Variants in CREB3L2 observed in about 807,000 individuals in gnomAD.
CREB3L2 encodes the protein cAMP responsive element binding protein 3 like 2.
In CREB3L2, 23 loss-of-function variants were observed where a neutral mutation model predicts 57.2. The observed-to-expected ratio is 0.40, with a 90% CI of 0.29 to 0.57. CREB3L2 has a LOEUF of 0.57. Ranked by LOEUF, CREB3L2 falls within the 20% of genes least tolerant of loss-of-function variation. The probability of loss-of-function intolerance (pLI) is 0.42; values close to 1 mark genes in which losing one functional copy is unlikely to be tolerated. For synonymous variants in CREB3L2, 268 were observed against 265.1 expected (o/e 1.01, Z -0.11); for missense variants, 628 against 634.7 (o/e 0.99, Z 0.11).
chr7:137,960,103 T>C lies in CREB3L2; in HGVS notation c.103-31737A>G, dbSNP rs550744459. Among the ~76,000 whole-genome samples the C allele has an allele frequency of 2.6e-5, 4 of 152,326 alleles. No homozygotes were observed. The East Asian group carries it at 7.7e-4, about 29-fold the overall frequency. ...TAAAAAATATATAATTCTCATTATA[T>C]AGTGAATTATCATAACCAACCCATT... On this transcript the variant is annotated intron_variant, in intron 1 of 11. Transcript: ENST00000330387.
At chr7:137,890,345 G>A (rs538848168) in intron 8 of CREB3L2, among the ~76,000 whole-genome samples, 3 of 152,246 alleles carry the variant, frequency 2.0e-5, no homozygotes, top group African/African-American at 7.2e-5. Context: ...GTCAAGCCTG[G>A]GCTTTATTTA....
chr7:137,980,858 C>T lies in CREB3L2; in HGVS notation c.102+20746G>A, dbSNP rs1358297758. Among the ~76,000 whole-genome samples, 1 of 152,184 alleles carries T rather than the reference C, an allele frequency of 6.6e-6. No homozygotes were observed. Among genetic ancestry groups the T allele is most frequent in the African/African-American group, 2.4e-5 (1 of 41,446 alleles). On this transcript the variant is annotated intron_variant, in intron 1 of 11. Coordinates refer to ENST00000330387, the MANE Select transcript of CREB3L2 (RefSeq NM_194071.4). This position sits in a 1 kb window ranked among gnomAD's most constrained non-coding sequence, Gnocchi z 4.3. ...CTCCTGCTCTTTACTGATGCACTGG[C>T]CCCTGTTCCTCCACAATGTGACCCC... is the stretch of plus-strand genomic sequence containing the variant.
chr7:137,917,834 T>C (rs1800169479), intron 2 of CREB3L2, among the ~76,000 whole-genome samples: 1 of 152,096 alleles, frequency 6.6e-6, no homozygotes, highest in South Asian at 2.1e-4. Flanking sequence ...GTGGAAGATG[T>C]TTTGCTTTTA....
intron 1 of CREB3L2, among the ~76,000 whole-genome samples, chr7:137,949,241 G>A (rs1428780210): frequency 2.0e-5 from 3 of 152,220 alleles, no homozygotes; most frequent in Non-Finnish European, 4.4e-5. Context: ...CTGCCACAGT[G>A]AGGCTGATAC....
chr7:137,997,516 T>C (rs906987480), intron 1 of CREB3L2, among the ~76,000 whole-genome samples: 3 of 151,650 alleles, frequency 2.0e-5, no homozygotes, highest in African/African-American at 7.3e-5. Context: ...AACCCAGGAG[T>C]TGGAGACCAG....
chr7:137,992,139 T>C (rs1276117703), intron 1 of CREB3L2, among the ~76,000 whole-genome samples: 1 of 152,148 alleles, frequency 6.6e-6, no homozygotes, highest in Non-Finnish European at 1.5e-5. Flanking sequence ...ATGAGGTAAC[T>C]GTAGCTGAGC....
At chr7:137,910,682 A>G (rs1217863351) in intron 4 of CREB3L2, among the ~76,000 whole-genome samples, 1 of 152,132 alleles carries the variant, frequency 6.6e-6, no homozygotes, top group Non-Finnish European at 1.5e-5. Flanking sequence ...TTCACTTGGT[A>G]GGGGCCAAAT....
intron 2 of CREB3L2, chr7:137,922,473 CACATATATATAT>C (rs1563253498): frequency 1.4e-5 from 2 of 145,252 alleles, no homozygotes; most frequent in Non-Finnish European, 2.7e-5. Flanking sequence ...TATATATACA[CACATATATATAT>C]ACACACACAC....
rs1585618612 is a variant in CREB3L2, at chr7:137,913,164, T to C, written c.496-86A>G. The C allele has an allele frequency of 4.4e-6, 6 of 1,369,502 alleles. No homozygotes were observed. In the East Asian group the frequency reaches 1.4e-4, roughly 33 times the overall value. The allele number at this position is 1,369,502 out of a possible 1,614,324, so 84.8% of individuals were successfully genotyped here. A position where few individuals can be genotyped will look rare whatever the true frequency, so the allele number is the denominator to read the frequency against. ...AGGAGAGCTATTTGTCACCTGTGTC[T>C]TCCTCTCGGGACAGCCCTGCCTATC... On this transcript the variant is annotated intron_variant, in intron 3 of 11. Transcript: ENST00000330387.
intron 2 of CREB3L2, among the ~76,000 whole-genome samples, chr7:137,919,903 G>A (rs1045176910): frequency 6.6e-6 from 1 of 152,152 alleles, no homozygotes; most frequent in East Asian, 1.9e-4. Context: ...TTCAGAACAT[G>A]AATGACTTTT....
At chr7:137,894,244 G>A (rs575374401) in intron 8 of CREB3L2, among the ~76,000 whole-genome samples, 6 of 152,300 alleles carry the variant, frequency 3.9e-5, no homozygotes, top group Admixed American at 1.3e-4. Context: ...GGCTTCCTTA[G>A]CTGTGACACA....
intron 4 of CREB3L2, 40 bp from the exon 5 acceptor site, chr7:137,908,476 C>CA: frequency 1.7e-5 from 21 of 1,238,164 alleles, no homozygotes; most frequent in Non-Finnish European, 1.9e-5. Flanking sequence ...CCCAGAGCCA[C>CA]AAAGCAGGAC....
At chr7:137,904,837 T>TG (rs1554495627) in intron 6 of CREB3L2, among the ~76,000 whole-genome samples, 1 of 66,090 alleles carries the variant, frequency 1.5e-5, no homozygotes, top group Non-Finnish European at 3.2e-5. Context: ...AGACTCTGTA[T>TG]GAAAAAAAAA....
intron 1 of CREB3L2, among the ~76,000 whole-genome samples, chr7:137,998,763 C>T (rs980131172): frequency 6.6e-6 from 1 of 152,178 alleles, no homozygotes; most frequent in African/African-American, 2.4e-5. Context: ...ATTTGTGAAA[C>T]CCAGTGCAAA....
rs1374595191 is a variant in CREB3L2 at position 137,887,505 on chromosome 7, G to A, written c.1044-2003C>T. On this transcript the variant is annotated intron_variant, in intron 8 of 11. Transcript: ENST00000330387. Reference sequence around the variant, plus strand: ...GGCCAGATCACGAGGTCAGGAGTTCGAGACCAGCCTGGCCAACATAGTAAA... The same window carrying A: ...GGCCAGATCACGAGGTCAGGAGTTCAAGACCAGCCTGGCCAACATAGTAAA... Among the ~76,000 whole-genome samples, 11 of 152,212 alleles carry A rather than the reference G, an allele frequency of 7.2e-5. 1 individual carries two copies. In the South Asian group the frequency reaches 2.1e-3, roughly 29 times the overall value.
intron 1 of CREB3L2, among the ~76,000 whole-genome samples, chr7:137,947,826 C>T (rs1297544136): frequency 6.6e-6 from 1 of 152,198 alleles, no homozygotes; most frequent in Non-Finnish European, 1.5e-5. Flanking sequence ...CCAGTCACAG[C>T]CTGGCTTGGC....
chr7:137,905,419 A>G (rs532791602), intron 6 of CREB3L2, among the ~76,000 whole-genome samples: 179 of 149,916 alleles, frequency 1.2e-3, no homozygotes, highest in African/African-American at 4.2e-3. Flanking sequence ...AACTAGATGG[A>G]AATTCTAATA....
rs1799161169 is a variant in CREB3L2 at position 137,876,593 on chromosome 7, C to T, written c.*3883G>A. 4.3e-6 allele frequency: 1 copy of T among 233,142 alleles called. No homozygotes were observed. The highest frequency in any genetic ancestry group is 2.2e-5 in the African/African-American group (1 of 45,400). The allele number at this position is 233,142 out of a possible 1,614,324, so 14.4% of individuals were successfully genotyped here. ...CTTCACAGCCCTCACGTCACCACCACCTACTCTCTCCTGTAACTGCCCTCC... is the reference window on the plus strand; with the variant it reads ...CTTCACAGCCCTCACGTCACCACCATCTACTCTCTCCTGTAACTGCCCTCC... On this transcript the variant is annotated 3_prime_UTR_variant, in exon 12 of 12. Transcript: ENST00000330387.
chr7:137,964,579 T>A (rs1193246520), intron 1 of CREB3L2, among the ~76,000 whole-genome samples: 2 of 152,198 alleles, frequency 1.3e-5, no homozygotes, highest in African/African-American at 4.8e-5. Context: ...TTGTGCCTCC[T>A]GCACTCCCAC....
Sources: allele counts gnomAD v4.1 joint callset (sites outside exome capture counted in the v4.1 genomes callset), GRCh38; gene constraint gnomAD v4.1.1; non-coding constraint Gnocchi (gnomAD v3.1); transcripts MANE v1.5; gene names NCBI Gene and HGNC (gene_info 2026-07-23, HGNC 2026-07-21).